The following NAALAD2 variants were observed in gnomAD, a reference collection of about 807,000 sequenced individuals.
The protein encoded by NAALAD2 is N-acetylated alpha-linked acidic dipeptidase 2, also known as N-acetylated-alpha-linked acidic dipeptidase 2.
A neutral mutation model predicts 95.6 loss-of-function variants in NAALAD2; 89 were observed. The observed-to-expected ratio is 0.93, with a 90% CI of 0.78 to 1.11. The LOEUF (loss-of-function observed/expected upper bound fraction) is 1.11. Ranked by LOEUF, NAALAD2 falls within the 50% of genes least tolerant of loss-of-function variation. NAALAD2 has a pLI of 0.00. For missense variants in NAALAD2, 894 were observed against 872.4 expected (o/e 1.02, Z -0.31); for synonymous variants, 264 against 294.4 (o/e 0.90, Z 1.06).
rs1857334606 is a variant in NAALAD2, at chr11:90,191,739, G to A, written c.2215G>A (p.Val739Ile). 2 of 1,574,184 alleles carry A rather than the reference G, an allele frequency of 1.3e-6. No individual in the cohort carries two copies. The highest frequency in any genetic ancestry group is 2.4e-5 in the South Asian group (2 of 82,148). Residue 739 changes from valine to isoleucine, a missense_variant, in exon 19 of 19, where the codon GTA becomes ATA. Coordinates refer to ENST00000534061, the MANE Select transcript of NAALAD2 (RefSeq NM_005467.4). ...AGCAGCAGCAGGAACTCTGAAAGAA[G>A]TATTATAGAAGGTCTCAAGTGGCTA... The part of the protein sequence containing the change: ...IQAAAGTLKE[V>I]L
intron 11 of NAALAD2, 110 bp downstream of exon 11, chr11:90,163,727 T>C (rs1590994981): frequency 1.9e-6 from 2 of 1,043,274 alleles, no homozygotes; most frequent in African/African-American, 3.2e-5. Flanking sequence ...TGGTTTTGTT[T>C]TGGAGAATGA....
chr11:90,155,927 G>A (rs1274724119), intron 6 of NAALAD2, among the ~76,000 whole-genome samples: 2 of 142,764 alleles, frequency 1.4e-5, no homozygotes, highest in African/African-American at 5.1e-5. Context: ...TATATGTAAT[G>A]TATATGTGAT....
chr11:90,163,122 G>A, intron 9 of NAALAD2, 88 bp downstream of exon 9: 2 of 1,221,116 alleles, frequency 1.6e-6, no homozygotes, highest in South Asian at 1.5e-5. Flanking sequence ...TTGAAGTGGG[G>A]TTTTTTGGCT....
At chr11:90,157,910 G>A (rs987272572) in intron 6 of NAALAD2, among the ~76,000 whole-genome samples, 4 of 151,938 alleles carry the variant, frequency 2.6e-5, no homozygotes, top group African/African-American at 9.7e-5. Flanking sequence ...CAGTAGAGAC[G>A]GGGTTTCACC....
intron 6 of NAALAD2, among the ~76,000 whole-genome samples, chr11:90,155,893 T>G (rs1590982033): frequency 7.0e-6 from 1 of 142,904 alleles, no homozygotes; most frequent in East Asian, 2.0e-4. Context: ...GTAATATATA[T>G]TATATATTAT....
chr11:90,157,106 T>C (rs1952138197), intron 6 of NAALAD2, among the ~76,000 whole-genome samples: 1 of 152,194 alleles, frequency 6.6e-6, no homozygotes, highest in Non-Finnish European at 1.5e-5. Context: ...TAGGTCAAAT[T>C]AGTTAATAGT....
rs763099911 is a variant in NAALAD2, at chr11:90,147,374, TCTTG to T, written c.245_248del (p.Leu82ProfsTer13). ...CATCTGGCAGGAACAGAACAAAATT[TCTTG>T]CTTGCCAAGAAAATCCAAACCCAGT... On this transcript the variant is annotated frameshift_variant, in exon 3 of 19. Transcript: ENST00000534061. LOFTEE classifies it high-confidence loss of function. 1.9e-6 allele frequency: 3 copies of T among 1,614,074 alleles called. No homozygotes were observed. The South Asian group carries it at 3.3e-5, about 18-fold the overall frequency.
intron 2 of NAALAD2, among the ~76,000 whole-genome samples, chr11:90,136,418 T>C (rs557599606): frequency 1.3e-4 from 20 of 152,348 alleles, no homozygotes; most frequent in Non-Finnish European, 2.5e-4. Context: ...TATTCCATTA[T>C]GCCCTTTGCA....
intron 2 of NAALAD2, among the ~76,000 whole-genome samples, chr11:90,140,492 G>A (rs936752017): frequency 1.3e-5 from 2 of 149,900 alleles, no homozygotes; most frequent in Admixed American, 6.7e-5. Context: ...TCATTTATGA[G>A]TTTTTTTTAA....
chr11:90,190,156 C>T (rs560660720), intron 18 of NAALAD2, among the ~76,000 whole-genome samples: 85 of 152,110 alleles, frequency 5.6e-4, no homozygotes, highest in Non-Finnish European at 1.1e-3. Flanking sequence ...TTACTGAACA[C>T]CTATTAAATG....
chr11:90,134,686 G>T lies in NAALAD2; in HGVS notation c.-73G>T. ...CCAGAGCTCACAGCCTCCTGCCAGC[G>T]CGCTCTCTGTTTCTCTGCAGCCCCG... is the stretch of plus-strand genomic sequence containing the variant. On this transcript the variant is annotated 5_prime_UTR_variant, in exon 1 of 19. Coordinates refer to ENST00000534061, the MANE Select transcript of NAALAD2 (RefSeq NM_005467.4). The T allele has an allele frequency of 2.7e-6, 4 of 1,474,412 alleles. No homozygotes were observed. Among genetic ancestry groups the T allele is most frequent in the South Asian group, 1.1e-5 (1 of 87,876 alleles). 91.3% of individuals were successfully genotyped at this position (1,474,412 alleles called of 1,614,324 possible). A position where few individuals can be genotyped will look rare whatever the true frequency, so the allele number is the denominator to read the frequency against.
At chr11:90,176,597 A>G (rs1363264448) in intron 15 of NAALAD2, among the ~76,000 whole-genome samples, 1 of 152,190 alleles carries the variant, frequency 6.6e-6, no homozygotes, top group East Asian at 1.9e-4. Context: ...GGTTTGCACT[A>G]CTGTCACACA....
rs2135008488 is a variant in NAALAD2 at position 90,191,996 on chromosome 11, A to G, written c.*249A>G. On this transcript the variant is annotated 3_prime_UTR_variant, in exon 19 of 19. Transcript: ENST00000534061. Reference sequence around the variant, plus strand: ...GCAGAAAGTAAAAGAAAATTCCCTAAATTATAGCAAGGAACATGAATTCTC... The same window carrying G: ...GCAGAAAGTAAAAGAAAATTCCCTAGATTATAGCAAGGAACATGAATTCTC... 1 of 246,064 alleles carries G rather than the reference A, an allele frequency of 4.1e-6. No individual in the cohort carries two copies. Among genetic ancestry groups the G allele is most frequent in the African/African-American group, 2.2e-5 (1 of 45,104 alleles). The allele number at this position is 246,064 out of a possible 1,614,324, so 15.2% of individuals were successfully genotyped here. A position where few individuals can be genotyped will look rare whatever the true frequency, so the allele number is the denominator to read the frequency against.
intron 13 of NAALAD2, among the ~76,000 whole-genome samples, chr11:90,171,632 G>T (rs1952639617): frequency 6.6e-6 from 1 of 152,038 alleles, no homozygotes; most frequent in Admixed American, 6.6e-5. Flanking sequence ...CTTATCTGTG[G>T]GCATGCCAAG....
intron 2 of NAALAD2, among the ~76,000 whole-genome samples, chr11:90,141,427 G>A (rs1041093555): frequency 6.6e-6 from 1 of 152,114 alleles, no homozygotes; most frequent in Admixed American, 6.5e-5. Flanking sequence ...TTAAGCAGAT[G>A]CTTTACATGC....
rs754760122 is a variant in NAALAD2 at position 90,191,560 on chromosome 11, A to G, written c.2036A>G (p.His679Arg). 6.4e-7 allele frequency: 1 copy of G among 1,572,498 alleles called. No homozygotes were observed. Among genetic ancestry groups the G allele is most frequent in the Admixed American group, 1.9e-5 (1 of 53,950 alleles). The change falls in exon 19 of 19, where the codon CAC becomes CGC. Residue 679 changes from histidine to arginine, a missense_variant and splice_region_variant. By Grantham distance (29) the His-to-Arg change is conservative. Coordinates refer to ENST00000534061, the MANE Select transcript of NAALAD2 (RefSeq NM_005467.4). ...LGLPGKLFYR[H>R]IIFAPSSHNK... is the part of the protein sequence containing the mutation. ...TTGCCTTGTTTTCTTCCTTTTAGGC[A>G]CATCATATTTGCTCCAAGTAGCCAC...
Position 90,170,095 on chromosome 11 carries a change from A to T in NAALAD2, c.1369A>T (p.Thr457Ser). Residue 457 changes from threonine to serine, a missense_variant, in exon 13 of 19, where the codon ACT becomes TCT. Coordinates refer to ENST00000534061, the MANE Select transcript of NAALAD2 (RefSeq NM_005467.4). The part of the protein sequence containing the change: ...EGNYTLRVDC[T>S]PLLYQLVYKL... Reference sequence around the variant, plus strand: ...CAATTATACTCTCAGAGTTGACTGTACTCCCCTTCTTTACCAATTAGTGTA... The same window carrying T: ...CAATTATACTCTCAGAGTTGACTGTTCTCCCCTTCTTTACCAATTAGTGTA... 6.3e-7 allele frequency: 1 copy of T among 1,591,042 alleles called. No individual in the cohort carries two copies. The highest frequency in any genetic ancestry group is 8.6e-7 in the Non-Finnish European group (1 of 1,159,288).
At chr11:90,152,870 C>CCGATAGATAGT (rs11270311) in intron 6 of NAALAD2, among the ~76,000 whole-genome samples, 177 of 151,754 alleles carry the variant, frequency 1.2e-3, no homozygotes, top group African/African-American at 4.2e-3. Flanking sequence ...TTTTGAATTA[C>CCGATAGATAGT]ATTTTTTAAA....
rs1449486923 is a variant in NAALAD2, at chr11:90,191,771, A to T, written c.*24A>T. The T allele has an allele frequency of 6.8e-7, 1 of 1,466,780 alleles. No individual in the cohort carries two copies. Among genetic ancestry groups the T allele is most frequent in the Non-Finnish European group, 9.0e-7 (1 of 1,105,350 alleles). 90.9% of individuals were successfully genotyped at this position (1,466,780 alleles called of 1,614,324 possible). Reference sequence around the variant, plus strand: ...AGAAGGTCTCAAGTGGCTAGCCATTAAAGGTGTTGCTAAAAGTCTGAGGAT... The same window carrying T: ...AGAAGGTCTCAAGTGGCTAGCCATTTAAGGTGTTGCTAAAAGTCTGAGGAT... On this transcript the variant is annotated 3_prime_UTR_variant, in exon 19 of 19. Transcript: ENST00000534061.
Sources: gnomAD v4.1 joint callset for allele counts (sites outside exome capture counted in the v4.1 genomes callset) on GRCh38, gnomAD v4.1.1 for gene constraint, MANE v1.5 for transcripts, NCBI Gene and HGNC (gene_info 2026-07-23, HGNC 2026-07-21) for gene names.